CACNA1D: variants seen among roughly 807,000 people sequenced by gnomAD.
The protein encoded by CACNA1D is calcium voltage-gated channel subunit alpha1 D, also known as voltage-dependent L-type calcium channel subunit alpha-1D.
A neutral mutation model predicts 257.1 loss-of-function variants in CACNA1D; 55 were observed. The observed-to-expected ratio is 0.21, with a 90% CI of 0.17 to 0.27. CACNA1D has a LOEUF of 0.27. CACNA1D is among the 10% of genes least tolerant of loss of function. The pLI is 1.00. For missense variants in CACNA1D, 1,876 were observed against 2,784.0 expected (o/e 0.67, Z 7.34); for synonymous variants, 980 against 1,014.9 (o/e 0.97, Z 0.65).
intron 37 of CACNA1D, among the ~76,000 whole-genome samples, chr3:53,777,867 G>A (rs2095406547): frequency 6.6e-6 from 1 of 152,162 alleles, no homozygotes; most frequent in African/African-American, 2.4e-5. Context: ...CGACAAAAAA[G>A]ATTTTCCTTT....
chr3:53,758,953 T>C (rs1266630140), intron 29 of CACNA1D, among the ~76,000 whole-genome samples: 4 of 152,106 alleles, frequency 2.6e-5, no homozygotes, highest in Non-Finnish European at 5.9e-5. Flanking sequence ...GGTGATTTTA[T>C]TAAACAAGAG....
At chr3:53,656,726 C>T (rs1222750765) in intron 4 of CACNA1D, among the ~76,000 whole-genome samples, 1 of 152,032 alleles carries the variant, frequency 6.6e-6, no homozygotes, top group East Asian at 1.9e-4. Flanking sequence ...AAGAAGACAA[C>T]CCAATAAACA....
intron 9 of CACNA1D, among the ~76,000 whole-genome samples, chr3:53,711,727 G>A (rs1417009679): frequency 6.6e-6 from 1 of 152,200 alleles, no homozygotes; most frequent in East Asian, 1.9e-4. Context: ...ACAACCCGTG[G>A]ATATCTGAAG....
At chr3:53,732,541 C>T (rs145062158) in intron 18 of CACNA1D, among the ~76,000 whole-genome samples, 10 of 152,252 alleles carry the variant, frequency 6.6e-5, no homozygotes, top group African/African-American at 2.4e-4. Flanking sequence ...AATCTCAGCA[C>T]TGCCACCTTT....
intron 3 of CACNA1D, among the ~76,000 whole-genome samples, chr3:53,560,565 C>A (rs2092719843): frequency 6.6e-6 from 1 of 152,174 alleles, no homozygotes. Context: ...GTTTTCTGCA[C>A]AGGACCAAAT....
intron 22 of CACNA1D, 79 bp from the exon 23 acceptor site, chr3:53,744,661 T>A: frequency 1.2e-6 from 1 of 826,790 alleles, no homozygotes; most frequent in East Asian, 2.4e-5. Context: ...AAAGTGAAGA[T>A]CCAGTGAAAG....
In CACNA1D at chr3:53,804,201, C is replaced by T. The variant is rs561279088; in HGVS notation, c.5585+629C>T. ...AACCGCACCTCACTGTGACCAGGGG[C>T]CCAGTGAAGTGGAAGTGGAATGGCA... On this transcript the variant is annotated intron_variant, in intron 44 of 47. Coordinates refer to ENST00000350061, the MANE Select transcript of CACNA1D (RefSeq NM_001128840.3). Among the ~76,000 whole-genome samples, 9 of 152,310 alleles carry T rather than the reference C, an allele frequency of 5.9e-5. No homozygotes were observed. In the South Asian group the frequency reaches 1.7e-3, roughly 28 times the overall value.
chr3:53,601,228 T>C (rs995964127), intron 3 of CACNA1D, among the ~76,000 whole-genome samples: 1 of 152,260 alleles, frequency 6.6e-6, no homozygotes, highest in Non-Finnish European at 1.5e-5. Context: ...ACTGTTTCTC[T>C]GTACATCCCA....
At chr3:53,555,877 T>C (rs907567026) in intron 3 of CACNA1D, among the ~76,000 whole-genome samples, 1 of 152,172 alleles carries the variant, frequency 6.6e-6, no homozygotes, top group African/African-American at 2.4e-5. Flanking sequence ...GTGTATACAG[T>C]TCTGTGAGCT....
chr3:53,770,768 A>G (rs973925612), intron 32 of CACNA1D, among the ~76,000 whole-genome samples: 3 of 152,206 alleles, frequency 2.0e-5, no homozygotes, highest in Non-Finnish European at 4.4e-5. Context: ...GAAAGCAGGA[A>G]GGATCCGTAG....
intron 43 of CACNA1D, 111 bp from the exon 44 acceptor site, chr3:53,803,312 G>C (rs1219773254): frequency 2.5e-6 from 3 of 1,193,090 alleles, no homozygotes; most frequent in South Asian, 1.2e-5. Context: ...GTGCGCGCTG[G>C]GAGAAGCCAG....
chr3:53,784,321 C>A (rs1235193790), intron 39 of CACNA1D, among the ~76,000 whole-genome samples: 8 of 152,218 alleles, frequency 5.3e-5, no homozygotes, highest in African/African-American at 1.9e-4. Context: ...TGCTCCTTTG[C>A]CCTGAAGAGC....
At chr3:53,730,927 T>G in intron 16 of CACNA1D, 150 bp from the exon 17 acceptor site, 1 of 636,038 alleles carries the variant, frequency 1.6e-6, no homozygotes, top group Non-Finnish European at 2.8e-6. Context: ...AAGCTCTGAG[T>G]TTGGGTTGTG....
At chr3:53,787,380 T>G (rs1334593816) in intron 40 of CACNA1D, among the ~76,000 whole-genome samples, 13 of 151,844 alleles carry the variant, frequency 8.6e-5, no homozygotes, top group Non-Finnish European at 1.8e-4. Flanking sequence ...TGCTTGTTGG[T>G]TTTTGGTCCA....
intron 3 of CACNA1D, among the ~76,000 whole-genome samples, chr3:53,552,480 A>G (rs1406014573): frequency 6.6e-6 from 1 of 152,166 alleles, no homozygotes; most frequent in Non-Finnish European, 1.5e-5. Context: ...TTCCAGGTTC[A>G]GGCAATTCTC....
At chr3:53,638,553 C>T (rs541133367) in intron 3 of CACNA1D, among the ~76,000 whole-genome samples, 150 of 152,316 alleles carry the variant, frequency 9.8e-4, no homozygotes, top group African/African-American at 3.5e-3. Context: ...GTTTGCCACA[C>T]GAAGACACTG....
At chr3:53,625,946 G>T (rs1409794250) in intron 3 of CACNA1D, among the ~76,000 whole-genome samples, 1 of 152,148 alleles carries the variant, frequency 6.6e-6, no homozygotes, top group Non-Finnish European at 1.5e-5. Context: ...AGTGTGTGTG[G>T]GGTGCACATC....
intron 3 of CACNA1D, among the ~76,000 whole-genome samples, chr3:53,607,619 G>A (rs2093528989): frequency 6.6e-6 from 1 of 152,212 alleles, no homozygotes; most frequent in Non-Finnish European, 1.5e-5. Flanking sequence ...ACCCGAATTA[G>A]TCTGAAAGTG....
At chr3:53,808,555 C>G in intron 45 of CACNA1D, 94 bp from the exon 46 acceptor site, 1 of 1,472,880 alleles carries the variant, frequency 6.8e-7, no homozygotes, top group Non-Finnish European at 9.4e-7. Context: ...TTCCTGGGCT[C>G]GTTGCTGAGC....
Sources: gnomAD v4.1 joint callset for allele counts (sites outside exome capture counted in the v4.1 genomes callset) on GRCh38, gnomAD v4.1.1 for gene constraint, MANE v1.5 for transcripts, NCBI Gene and HGNC (gene_info 2026-07-23, HGNC 2026-07-21) for gene names.